PITPNC1: variants seen among roughly 807,000 people sequenced by gnomAD.
PITPNC1 encodes cytoplasmic phosphatidylinositol transfer protein 1.
Under a neutral mutation model 44.7 loss-of-function variants are expected in PITPNC1, and 18 were observed. The observed-to-expected ratio is 0.40, with a 90% CI of 0.28 to 0.60. The LOEUF is 0.60. Ranked by LOEUF, PITPNC1 falls within the 20% of genes least tolerant of loss-of-function variation. The pLI is 0.39. For missense variants in PITPNC1, 290 were observed against 418.4 expected (o/e 0.69, Z 2.68); for synonymous variants, 141 against 149.6 (o/e 0.94, Z 0.42).
Position 67,394,800 on chromosome 17 carries a change from T to G in PITPNC1, c.48+16598T>G, listed in dbSNP as rs553879863. Among the ~76,000 whole-genome samples, 11 of 151,602 alleles carry G rather than the reference T, an allele frequency of 7.3e-5. No homozygotes were observed. The East Asian group carries it at 2.0e-3, about 27-fold the overall frequency. ...TCCCAGCTACTTGGGGAGGCTGAGATAGAAGAATGGTGTGAACCCGGGAGG... is the reference window on the plus strand; with the variant it reads ...TCCCAGCTACTTGGGGAGGCTGAGAGAGAAGAATGGTGTGAACCCGGGAGG... On this transcript the variant is annotated intron_variant, in intron 1 of 8. Coordinates refer to ENST00000581322, the MANE Select transcript of PITPNC1 (RefSeq NM_012417.4).
rs547268869 is a variant in PITPNC1 at position 67,390,198 on chromosome 17, G to A, written c.48+11996G>A. 6.6e-4 allele frequency among the ~76,000 whole-genome samples: 101 copies of A among 152,292 alleles called. 1 individual carries two copies. Among genetic ancestry groups the A allele is most frequent in the Non-Finnish European group, 3.1e-4 (21 of 68,016 alleles). On this transcript the variant is annotated intron_variant, in intron 1 of 8. Transcript: ENST00000581322. ...GGAGGAGGTTCTCTCCTGCAGCAGT[G>A]TGGGAAAAAAATCTACCAGATTTGG...
chr17:67,380,351 A>T (rs1477498954), intron 1 of PITPNC1, among the ~76,000 whole-genome samples: 2 of 152,164 alleles, frequency 1.3e-5, no homozygotes, highest in African/African-American at 4.8e-5. Flanking sequence ...CTGGGATTAC[A>T]GGCATGAGCC....
At chr17:67,522,096 G>A (rs994738909) in intron 1 of PITPNC1, among the ~76,000 whole-genome samples, 1 of 152,136 alleles carries the variant, frequency 6.6e-6, no homozygotes, top group Non-Finnish European at 1.5e-5. Flanking sequence ...CTGAGGTCAG[G>A]AGTTCAAGAC....
chr17:67,389,562 A>G (rs1409739323), intron 1 of PITPNC1, among the ~76,000 whole-genome samples: 1 of 152,216 alleles, frequency 6.6e-6, no homozygotes, highest in Non-Finnish European at 1.5e-5. Flanking sequence ...GAGAGGTTTT[A>G]TTGCCATTTA....
At chr17:67,477,606 C>T (rs886540976) in intron 1 of PITPNC1, among the ~76,000 whole-genome samples, 15 of 151,706 alleles carry the variant, frequency 9.9e-5, no homozygotes, top group Non-Finnish European at 1.9e-4. Context: ...TGCTATGTTG[C>T]CCAGGCTGGT....
chr17:67,509,341 G>A (rs1250562204), intron 1 of PITPNC1, among the ~76,000 whole-genome samples: 1 of 151,062 alleles, frequency 6.6e-6, no homozygotes, highest in Non-Finnish European at 1.5e-5. Flanking sequence ...AGACTAGCCT[G>A]GCCAATATGG....
At chr17:67,608,137 T>G (rs1244520713) in intron 5 of PITPNC1, among the ~76,000 whole-genome samples, 1 of 151,674 alleles carries the variant, frequency 6.6e-6, no homozygotes, top group African/African-American at 2.4e-5. Flanking sequence ...GATACAATAC[T>G]ATTATCTGAT....
chr17:67,492,030 C>T (rs1233901768), intron 1 of PITPNC1, among the ~76,000 whole-genome samples: 1 of 148,608 alleles, frequency 6.7e-6, no homozygotes. Flanking sequence ...AAAAGATGTG[C>T]AAGATGCCTT....
At chr17:67,536,892 G>T (rs1019491213) in intron 2 of PITPNC1, among the ~76,000 whole-genome samples, 3 of 152,140 alleles carry the variant, frequency 2.0e-5, no homozygotes, top group Non-Finnish European at 4.4e-5. Context: ...CATGATTTGT[G>T]TGTAAGAAAG....
chr17:67,531,182 G>T (rs2040456178), intron 1 of PITPNC1, among the ~76,000 whole-genome samples: 1 of 152,198 alleles, frequency 6.6e-6, no homozygotes, highest in African/African-American at 2.4e-5. Flanking sequence ...GGCGGAGGTT[G>T]CAATGATCTG....
At chr17:67,626,509 A>G (rs1166849305) in intron 5 of PITPNC1, among the ~76,000 whole-genome samples, 2 of 152,138 alleles carry the variant, frequency 1.3e-5, no homozygotes, top group Non-Finnish European at 2.9e-5. Context: ...AGCTGGGATT[A>G]CAGGCACATG....
intron 5 of PITPNC1, among the ~76,000 whole-genome samples, chr17:67,587,090 A>G (rs937144993): frequency 3.3e-5 from 5 of 152,158 alleles, no homozygotes; most frequent in African/African-American, 1.2e-4. Context: ...ATCATGGGAA[A>G]CAGTGGAGGA....
At chr17:67,477,342 G>C (rs1050427093) in intron 1 of PITPNC1, among the ~76,000 whole-genome samples, 2 of 150,316 alleles carry the variant, frequency 1.3e-5, no homozygotes, top group East Asian at 2.0e-4. Flanking sequence ...TGCCTCCCGG[G>C]TTCAAGCGAT....
chr17:67,473,367 C>T (rs922676067), intron 1 of PITPNC1, among the ~76,000 whole-genome samples: 2 of 149,202 alleles, frequency 1.3e-5, no homozygotes, highest in Non-Finnish European at 3.0e-5. Flanking sequence ...CTCGCTCTGT[C>T]GCCCAGGCTG....
intron 1 of PITPNC1, among the ~76,000 whole-genome samples, chr17:67,481,199 C>A (rs2039697441): frequency 6.6e-6 from 1 of 152,248 alleles, no homozygotes; most frequent in Non-Finnish European, 1.5e-5. Context: ...CAGAGCGAGA[C>A]CTGGCCTGCC....
At chr17:67,502,471 A>T (rs1400223263) in intron 1 of PITPNC1, among the ~76,000 whole-genome samples, 1 of 152,144 alleles carries the variant, frequency 6.6e-6, no homozygotes, top group Non-Finnish European at 1.5e-5. Flanking sequence ...AGATTTAAGG[A>T]ACGGGTTGGC....
At position 67,407,384 on chromosome 17, in the gene PITPNC1, T is replaced by G. The variant is rs184779823; in HGVS notation, c.48+29182T>G. 1.2e-3 allele frequency among the ~76,000 whole-genome samples: 185 copies of G among 152,364 alleles called. 1 individual carries two copies. The highest frequency in any genetic ancestry group is 4.2e-3 in the African/African-American group (173 of 41,574). On this transcript the variant is annotated intron_variant, in intron 1 of 8. Transcript: ENST00000581322. ...TCTTCTTTTGTTGAGTTGTAAAACT[T>G]CCTTATATGTTCTCGATGCTAGACC...
intron 6 of PITPNC1, among the ~76,000 whole-genome samples, chr17:67,656,450 C>G (rs2537836): frequency 0.9 from 136,823 of 152,268 alleles, 61,694 homozygotes; most frequent in African/African-American, 0.97. Flanking sequence ...CTTAATCCAG[C>G]ATGATCTCAT....
In PITPNC1 at chr17:67,436,364, A is replaced by G. The variant is rs569594796; in HGVS notation, c.48+58162A>G. Among the ~76,000 whole-genome samples, 8 of 152,190 alleles carry G rather than the reference A, an allele frequency of 5.3e-5. No individual in the cohort carries two copies. In the South Asian group the frequency reaches 1.2e-3, roughly 24 times the overall value. On this transcript the variant is annotated intron_variant, in intron 1 of 8. Transcript: ENST00000581322. The stretch of plus-strand genomic sequence containing the variant: ...TCTGCGAGGATTTGACGTTTGAACA[A>G]TGGTCTTATCTAAGCGACAATCTGA...
Sources: gnomAD v4.1 joint callset for allele counts (sites outside exome capture counted in the v4.1 genomes callset) on GRCh38, gnomAD v4.1.1 for gene constraint, MANE v1.5 for transcripts, NCBI Gene and HGNC (gene_info 2026-07-23, HGNC 2026-07-21) for gene names.